DPP10: variants seen among roughly 807,000 people sequenced by gnomAD.
The protein encoded by DPP10 is dipeptidyl peptidase like 10.
A neutral mutation model predicts 120.9 loss-of-function variants in DPP10; 33 were observed. That is an observed-to-expected ratio of 0.27 (90% CI 0.21 to 0.37). The LOEUF is 0.37. DPP10 is among the 10% of genes least tolerant of loss of function. The pLI is 1.00. For synonymous variants in DPP10, 337 were observed against 326.1 expected (o/e 1.03, Z -0.36); for missense variants, 816 against 942.8 (o/e 0.87, Z 1.76).
chr2:115,616,307 G>A (rs1188200808), intron 5 of DPP10, among the ~76,000 whole-genome samples: 2 of 151,914 alleles, frequency 1.3e-5, no homozygotes, highest in East Asian at 1.9e-4. Context: ...CATAAAATCT[G>A]TGTGATAGGG....
At chr2:115,486,283 T>G (rs1355271227) in intron 3 of DPP10, among the ~76,000 whole-genome samples, 1 of 152,120 alleles carries the variant, frequency 6.6e-6, no homozygotes, top group Non-Finnish European at 1.5e-5. Context: ...AACATATCCA[T>G]CTGTCCATTC....
In DPP10 at chr2:115,277,447, C is replaced by CTTTTTT. The variant is rs70941038; in HGVS notation, c.61-31766_61-31761dup. Among the ~76,000 whole-genome samples the CTTTTTT allele has an allele frequency of 2.4e-4, 12 of 49,780 alleles. 1 individual carries two copies. Among genetic ancestry groups the CTTTTTT allele is most frequent in the Admixed American group, 7.1e-4 (2 of 2,820 alleles). 32.7% of individuals were successfully genotyped at this position (49,780 alleles called of 152,430 possible). A position where few individuals can be genotyped will look rare whatever the true frequency, so the allele number is the denominator to read the frequency against. On this transcript the variant is annotated intron_variant, in intron 1 of 25. Transcript: ENST00000410059. ...AATTATACTTAAGTCCTGCCAGGGC[C>CTTTTTT]TTTTTTTTTTTTTTTTTTTTTTTTT...
chr2:115,621,963 C>A (rs1558937813), intron 5 of DPP10, among the ~76,000 whole-genome samples: 1 of 152,174 alleles, frequency 6.6e-6, no homozygotes, highest in Non-Finnish European at 1.5e-5. Context: ...CAGGCATGAG[C>A]CACCACGCCC....
At chr2:115,799,101 T>C (rs969780911) in intron 19 of DPP10, among the ~76,000 whole-genome samples, 9 of 152,098 alleles carry the variant, frequency 5.9e-5, no homozygotes, top group African/African-American at 2.2e-4. Context: ...TTCCAATATA[T>C]TGCTAAGACT....
At chr2:114,624,117 G>A (rs1694309329) in intron 1 of DPP10, among the ~76,000 whole-genome samples, 2 of 151,950 alleles carry the variant, frequency 1.3e-5, no homozygotes, top group African/African-American at 4.8e-5. Context: ...CAAAACTGTG[G>A]AAGCATTGAA....
chr2:115,802,892 A>G (rs543788399), intron 19 of DPP10, among the ~76,000 whole-genome samples: 2 of 152,242 alleles, frequency 1.3e-5, no homozygotes, highest in South Asian at 4.1e-4. Context: ...TGGTGCTGAA[A>G]AGAATGTATA....
At chr2:115,573,288 T>C (rs2081446396) in intron 5 of DPP10, among the ~76,000 whole-genome samples, 1 of 145,888 alleles carries the variant, frequency 6.9e-6, no homozygotes, top group Non-Finnish European at 1.5e-5. Context: ...TTTTTTTTTT[T>C]TTTTTTTTTT....
intron 3 of DPP10, among the ~76,000 whole-genome samples, chr2:115,445,812 A>G (rs1232283638): frequency 1.3e-5 from 2 of 152,220 alleles, no homozygotes; most frequent in African/African-American, 2.4e-5. Context: ...AGCGAAGACA[A>G]TGAGGAAAAT....
At chr2:114,665,551 G>A (rs1315435609) in intron 1 of DPP10, among the ~76,000 whole-genome samples, 1 of 152,138 alleles carries the variant, frequency 6.6e-6, no homozygotes, top group Non-Finnish European at 1.5e-5. Flanking sequence ...AGGAGGGAAA[G>A]GAAGCTGTCA....
intron 1 of DPP10, among the ~76,000 whole-genome samples, chr2:115,102,902 GACA>G (rs996010033): frequency 7.2e-5 from 11 of 152,148 alleles, no homozygotes; most frequent in African/African-American, 2.4e-4. Flanking sequence ...CAAACCCAAG[GACA>G]ACAGGGCCAA....
At chr2:115,161,724 G>A (rs13313771) in intron 1 of DPP10, 162,663 of 392,938 alleles carry the variant, frequency 0.41, 36,608 homozygotes, top group Non-Finnish European at 0.48. Context: ...GGTGGCGGGG[G>A]GCGGGGAGAG....
chr2:115,023,504 T>C (rs936685031), intron 1 of DPP10, among the ~76,000 whole-genome samples: 4 of 151,962 alleles, frequency 2.6e-5, no homozygotes, highest in South Asian at 2.1e-4. Flanking sequence ...ATAGATGTTG[T>C]TGTGGATGTA....
chr2:115,836,181 A>T lies in DPP10; in HGVS notation c.1975A>T (p.Met659Leu), dbSNP rs146577584. Residue 659 changes from methionine to leucine, a missense_variant, in exon 22 of 26, where the codon ATG becomes TTG. Coordinates refer to ENST00000410059, the MANE Select transcript of DPP10 (RefSeq NM_020868.6). ...GGGTTATGGTGGCTATATTGCATCA[A>T]TGATCTTAAAATCAGATGAAAAGCT... ...GKGYGGYIAS[M>L]ILKSDEKLFK... is the part of the protein sequence containing the mutation. 4 of 1,603,258 alleles carry T rather than the reference A, an allele frequency of 2.5e-6. No individual in the cohort carries two copies. The Admixed American group carries it at 6.9e-5, about 28-fold the overall frequency.
chr2:114,729,629 A>G (rs1262046321), intron 1 of DPP10, among the ~76,000 whole-genome samples: 1 of 152,262 alleles, frequency 6.6e-6, no homozygotes, highest in Admixed American at 6.5e-5. Flanking sequence ...CTACTGAATC[A>G]GAAGTTTTGA....
chr2:114,967,967 A>G (rs989506045), intron 1 of DPP10, among the ~76,000 whole-genome samples: 3 of 152,150 alleles, frequency 2.0e-5, no homozygotes, highest in East Asian at 1.9e-4. Flanking sequence ...ACTGGGGCTC[A>G]GGTGATTCTT....
At chr2:115,673,170 C>G (rs2090038406) in intron 5 of DPP10, among the ~76,000 whole-genome samples, 1 of 152,128 alleles carries the variant, frequency 6.6e-6, no homozygotes, top group Non-Finnish European at 1.5e-5. Context: ...CAAAACAGAA[C>G]AATCATTAAT....
intron 1 of DPP10, among the ~76,000 whole-genome samples, chr2:114,913,309 A>G (rs945563604): frequency 6.6e-6 from 1 of 151,798 alleles, no homozygotes; most frequent in African/African-American, 2.4e-5. Context: ...GCCATCACCT[A>G]CCACCCCCGC....
At chr2:115,177,825 G>T (rs923311953) in intron 1 of DPP10, among the ~76,000 whole-genome samples, 2 of 151,978 alleles carry the variant, frequency 1.3e-5, no homozygotes. Context: ...GTACAGTGGC[G>T]CGATCTCTGC....
chr2:115,667,805 G>A lies in DPP10; in HGVS notation c.442-21882G>A, dbSNP rs148947645. 2.8e-4 allele frequency among the ~76,000 whole-genome samples: 42 copies of A among 151,460 alleles called. 1 individual carries two copies. The East Asian group carries it at 8.0e-3, about 29-fold the overall frequency. On this transcript the variant is annotated intron_variant, in intron 5 of 25. Transcript: ENST00000410059. ...CTTTGTTCTTTTTGCTTTATTTCTA[G>A]CACTTTTATTTCCTTCTTTCTTATA...
Sources: gnomAD v4.1 joint callset for allele counts (sites outside exome capture counted in the v4.1 genomes callset) on GRCh38, gnomAD v4.1.1 for gene constraint, MANE v1.5 for transcripts, NCBI Gene and HGNC (gene_info 2026-07-23, HGNC 2026-07-21) for gene names.